PLAAT5: variants seen among roughly 807,000 people sequenced by gnomAD.
PLAAT5 encodes the protein Ca(2+)-independent N-acyltransferase.
A neutral mutation model predicts 27.8 loss-of-function variants in PLAAT5; 27 were observed. That is an observed-to-expected ratio of 0.97 (90% CI 0.72 to 1.34). The LOEUF (loss-of-function observed/expected upper bound fraction) is 1.34, where lower values mean the gene tolerates loss of function less well. Ranked by LOEUF, PLAAT5 falls within the 40% of genes most tolerant of loss-of-function variation. PLAAT5 has a pLI of 0.00. For missense variants in PLAAT5, 368 were observed against 343.8 expected (o/e 1.07, Z -0.56); for synonymous variants, 125 against 136.1 (o/e 0.92, Z 0.57).
chr11:63,462,106 A>G lies in PLAAT5; in HGVS notation c.*1397T>C, dbSNP rs2015734640. The G allele has an allele frequency of 6.6e-6, 1 of 152,214 alleles. No individual in the cohort carries two copies. Among genetic ancestry groups the G allele is most frequent in the Non-Finnish European group, 1.5e-5 (1 of 68,028 alleles). The allele number at this position is 152,214 out of a possible 1,614,324, so 9.4% of individuals were successfully genotyped here. On this transcript the variant is annotated 3_prime_UTR_variant, in exon 6 of 6. Transcript: ENST00000540857. ...TAATATGGTCAATGAGCTCAAAGTC[A>G]TCTTCAGATTAAAGCATTCACTAAA...
At chr11:63,469,154 G>C (rs571549173) in intron 3 of PLAAT5, among the ~76,000 whole-genome samples, 4 of 151,642 alleles carry the variant, frequency 2.6e-5, no homozygotes, top group African/African-American at 9.7e-5. Flanking sequence ...GTGAGAGAGA[G>C]AGAGAGACAG....
chr11:63,483,703 G>A (rs2016340689), intron 3 of PLAAT5, among the ~76,000 whole-genome samples: 1 of 103,436 alleles, frequency 9.7e-6, no homozygotes. Flanking sequence ...AGAGAAACAA[G>A]AATAAACCAA....
chr11:63,472,078 T>C (rs1160468626), intron 3 of PLAAT5, among the ~76,000 whole-genome samples: 1 of 152,064 alleles, frequency 6.6e-6, no homozygotes, highest in Non-Finnish European at 1.5e-5. Flanking sequence ...TCAGGAACAA[T>C]AGTGAATGGA....
At chr11:63,490,133 G>A in intron 2 of PLAAT5, 110 bp downstream of exon 2, 2 of 1,428,852 alleles carry the variant, frequency 1.4e-6, no homozygotes, top group Non-Finnish European at 2.0e-6. Context: ...GTACCGGCTG[G>A]CTGGTTCACA....
intron 3 of PLAAT5, among the ~76,000 whole-genome samples, chr11:63,477,100 T>C (rs1590618244): frequency 1.3e-5 from 2 of 152,356 alleles, no homozygotes; most frequent in East Asian, 3.9e-4. Flanking sequence ...CATTCCACTT[T>C]CCTTTAATTC....
intron 5 of PLAAT5, among the ~76,000 whole-genome samples, chr11:63,465,128 A>G (rs2015823778): frequency 6.6e-6 from 1 of 151,964 alleles, no homozygotes; most frequent in Non-Finnish European, 1.5e-5. Flanking sequence ...AAATACAAAA[A>G]TTAGCCAGAC....
chr11:63,475,532 G>A (rs889983340), intron 3 of PLAAT5, among the ~76,000 whole-genome samples: 4 of 151,706 alleles, frequency 2.6e-5, no homozygotes, highest in Admixed American at 6.6e-5. Flanking sequence ...CTTGTGGATG[G>A]CATATAACTG....
At chr11:63,488,482 G>A (rs909902050) in intron 3 of PLAAT5, among the ~76,000 whole-genome samples, 1 of 152,058 alleles carries the variant, frequency 6.6e-6, no homozygotes, top group African/African-American at 2.4e-5. Context: ...TTTACTATAT[G>A]TCAATTACAC....
At chr11:63,467,051 C>T (rs1356895521) in intron 4 of PLAAT5, among the ~76,000 whole-genome samples, 1 of 152,210 alleles carries the variant, frequency 6.6e-6, no homozygotes, top group Non-Finnish European at 1.5e-5. Flanking sequence ...CTGCCCAAAG[C>T]TGGGTGGGTA....
At chr11:63,469,103 CGT>C (rs34013443) in intron 3 of PLAAT5, among the ~76,000 whole-genome samples, 32,490 of 134,152 alleles carry the variant, frequency 0.24, 3,971 homozygotes, top group Non-Finnish European at 0.3. Flanking sequence ...TCTCTATTAT[CGT>C]GTGTGTGTGT....
At chr11:63,464,202 G>C (rs1168654914) in intron 5 of PLAAT5, among the ~76,000 whole-genome samples, 2 of 152,158 alleles carry the variant, frequency 1.3e-5, no homozygotes, top group African/African-American at 4.8e-5. Flanking sequence ...AAAGTAAAGG[G>C]CACAGCAGGG....
Position 63,490,908 on chromosome 11 carries a change from G to T in PLAAT5, c.127C>A (p.Arg43Ser), listed in dbSNP as rs1475308818. Residue 43 changes from arginine (R) to serine (S), a missense_variant, in exon 1 of 6, where the codon CGT becomes AGT. Coordinates refer to ENST00000540857, the MANE Select transcript of PLAAT5 (RefSeq NM_001146729.2). Reference protein sequence around the residue: ...GPKDQPPALRRSAVPHSEESV... With the variant: ...GPKDQPPALRSSAVPHSEESV... Reference sequence around the variant, plus strand: ...TGACCTGAGTGGGGCACAGCTGAACGTCTGAGCGCAGGCGGCTGGTCCTTG... The same window carrying T: ...TGACCTGAGTGGGGCACAGCTGAACTTCTGAGCGCAGGCGGCTGGTCCTTG... 6.2e-6 allele frequency: 10 copies of T among 1,603,910 alleles called. No homozygotes were observed. The highest frequency in any genetic ancestry group is 7.7e-6 in the Non-Finnish European group (9 of 1,175,592).
In PLAAT5 at chr11:63,468,379, G is replaced by T. The variant is rs143368953; in HGVS notation, c.432C>A (p.Cys144Ter). 54 of 1,612,984 alleles carry T rather than the reference G, an allele frequency of 3.3e-5. No homozygotes were observed. In the African/African-American group the frequency reaches 5.2e-4, roughly 16 times the overall value. The change falls in exon 4 of 6, where the codon TGC becomes TGA. Residue 144 changes from cysteine to a stop codon, truncating the protein, a stop_gained. Transcript: ENST00000540857. LOFTEE classifies it high-confidence loss of function. ...TACTTGGGGGAGCCAGATGGACCAC[G>T]CAATCATCTTCTACATAGATGGCCC... ...EHWAIYVEDDCVVHLAPPSEE... is the reference protein window; with the variant it reads ...EHWAIYVEDD
At chr11:63,468,848 C>A (rs1374367851) in intron 3 of PLAAT5, among the ~76,000 whole-genome samples, 1 of 152,158 alleles carries the variant, frequency 6.6e-6, no homozygotes, top group Non-Finnish European at 1.5e-5. Flanking sequence ...CAAAGGGGTT[C>A]TCCTGCAGTT....
chr11:63,491,092 G>T lies in PLAAT5; in HGVS notation c.-58C>A, dbSNP rs929979693. 3 of 1,295,504 alleles carry T rather than the reference G, an allele frequency of 2.3e-6. No individual in the cohort carries two copies. The Admixed American group carries it at 1.2e-4, about 51-fold the overall frequency. The allele number at this position is 1,295,504 out of a possible 1,614,324, so 80.3% of individuals were successfully genotyped here. On this transcript the variant is annotated 5_prime_UTR_variant, in exon 1 of 6. Transcript: ENST00000540857. Reference sequence around the variant, plus strand: ...TTGCAGGGGACTACGCCCCTGGCGAGTTCCCAGTCGGCGCGGCCCCTGGTC... The same window carrying T: ...TTGCAGGGGACTACGCCCCTGGCGATTTCCCAGTCGGCGCGGCCCCTGGTC...
At position 63,491,099 on chromosome 11, in the gene PLAAT5, G is replaced by C. The variant is rs1317817223; in HGVS notation, c.-65C>G. ...GGACTACGCCCCTGGCGAGTTCCCA[G>C]TCGGCGCGGCCCCTGGTCGGCGGAG... On this transcript the variant is annotated 5_prime_UTR_variant, in exon 1 of 6. Transcript: ENST00000540857. 6.3e-6 allele frequency: 8 copies of C among 1,277,932 alleles called. No homozygotes were observed. The highest frequency in any genetic ancestry group is 8.0e-6 in the Non-Finnish European group (8 of 996,424). 79.2% of individuals were successfully genotyped at this position (1,277,932 alleles called of 1,614,324 possible). A position where few individuals can be genotyped will look rare whatever the true frequency, so the allele number is the denominator to read the frequency against.
At chr11:63,483,647 C>CAAAAAA (rs899244670) in intron 3 of PLAAT5, among the ~76,000 whole-genome samples, 3 of 64,274 alleles carry the variant, frequency 4.7e-5, no homozygotes, top group Admixed American at 1.8e-4. Context: ...ATGCCTACAC[C>CAAAAAA]AAAAAAAAAA....
At chr11:63,479,327 T>C (rs764370948) in intron 3 of PLAAT5, among the ~76,000 whole-genome samples, 3 of 152,246 alleles carry the variant, frequency 2.0e-5, no homozygotes, top group Non-Finnish European at 4.4e-5. Flanking sequence ...CAGATAGTAA[T>C]AAGACTATAT....
intron 3 of PLAAT5, among the ~76,000 whole-genome samples, chr11:63,483,816 T>TATACAC (rs1555028249): frequency 1.4e-4 from 14 of 101,474 alleles, no homozygotes; most frequent in African/African-American, 5.4e-4. Flanking sequence ...TATATATATA[T>TATACAC]ATATATATAT....
Sources: gnomAD v4.1 joint callset for allele counts (sites outside exome capture counted in the v4.1 genomes callset) on GRCh38, gnomAD v4.1.1 for gene constraint, MANE v1.5 for transcripts, NCBI Gene and HGNC (gene_info 2026-07-23, HGNC 2026-07-21) for gene names.